Variants in VPS13B observed in about 807,000 individuals in gnomAD.
VPS13B encodes vacuolar protein sorting 13 homolog B.
VPS13B carries 285 observed loss-of-function variants against 426.4 expected under a neutral mutation model. The observed-to-expected ratio is 0.67, with a 90% confidence interval of 0.61 to 0.74. The LOEUF is 0.74. VPS13B is among the 30% of genes least tolerant of loss of function. The pLI is 0.00. For synonymous variants in VPS13B, 1,676 were observed against 1,676.4 expected (o/e 1.00, Z 0.01); for missense variants, 4,537 against 4,782.6 (o/e 0.95, Z 1.51).
At chr8:99,501,971 G>GTCTT (rs1442835084) in intron 26 of VPS13B, 113 bp downstream of exon 26, 12 of 1,194,212 alleles carry the variant, frequency 1.0e-5, no homozygotes, top group Admixed American at 2.3e-5. Flanking sequence ...CTGTCTGTCT[G>GTCTT]TCTTTCCGTC....
intron 19 of VPS13B, among the ~76,000 whole-genome samples, chr8:99,368,536 C>A (rs1332721451): frequency 6.6e-6 from 1 of 152,136 alleles, no homozygotes; most frequent in Non-Finnish European, 1.5e-5. Context: ...TATCTTAAAT[C>A]TATTTAGTTA....
At chr8:99,865,198 C>G (rs1331841300) in intron 58 of VPS13B, among the ~76,000 whole-genome samples, 1 of 152,150 alleles carries the variant, frequency 6.6e-6, no homozygotes, top group African/African-American at 2.4e-5. Context: ...TCAGCCTTGC[C>G]CACATTTACC....
At chr8:99,866,679 C>G (rs187082154) in intron 58 of VPS13B, among the ~76,000 whole-genome samples, 100 of 152,390 alleles carry the variant, frequency 6.6e-4, no homozygotes, top group African/African-American at 2.3e-3. Flanking sequence ...GTGCGGGTGA[C>G]CGCAGCTGGC....
rs1325055922 is a variant in VPS13B at position 99,116,749 on chromosome 8, A to G, written c.937+875A>G. 2.6e-5 allele frequency among the ~76,000 whole-genome samples: 4 copies of G among 152,314 alleles called. No individual in the cohort carries two copies. The East Asian group carries it at 7.7e-4, about 29-fold the overall frequency. ...ATGCCTGACCCAGGATATACATTTG[A>G]TAAAAGTTGAAGTAGTATACCTCAA... On this transcript the variant is annotated intron_variant, in intron 7 of 61. Transcript: ENST00000357162.
At chr8:99,559,475 C>A (rs954077995) in intron 31 of VPS13B, among the ~76,000 whole-genome samples, 9 of 152,128 alleles carry the variant, frequency 5.9e-5, no homozygotes, top group Non-Finnish European at 1.2e-4. Flanking sequence ...TCATGAAGTC[C>A]TTGCCCATGC....
chr8:99,663,585 A>G (rs1202536531), intron 35 of VPS13B, among the ~76,000 whole-genome samples: 2 of 152,166 alleles, frequency 1.3e-5, no homozygotes, highest in Non-Finnish European at 2.9e-5. Flanking sequence ...AAAAAAACAT[A>G]TGCTCTTTAC....
At chr8:99,481,001 A>C (rs1173231536) in intron 24 of VPS13B, among the ~76,000 whole-genome samples, 1 of 152,192 alleles carries the variant, frequency 6.6e-6, no homozygotes, top group Non-Finnish European at 1.5e-5. Context: ...ACTCAGTCAA[A>C]CAATGTGCAA....
In VPS13B at chr8:99,237,930, G is replaced by C. The variant is rs191264477; in HGVS notation, c.2516-36268G>C. Among the ~76,000 whole-genome samples the C allele has an allele frequency of 3.0e-3, 437 of 147,640 alleles. 4 individuals are homozygous for C. The highest frequency in any genetic ancestry group is 0.01 in the African/African-American group (411 of 39,982). ...CCTTCTGAAACTCTTAATGGCCTTC[G>C]TTTCTCCAATTTCAGGTCTTGCTGC... On this transcript the variant is annotated intron_variant, in intron 17 of 61. Transcript: ENST00000357162.
intron 30 of VPS13B, among the ~76,000 whole-genome samples, chr8:99,529,378 C>T (rs1308517470): frequency 2.0e-5 from 3 of 152,104 alleles, no homozygotes; most frequent in African/African-American, 4.8e-5. Flanking sequence ...CATATTTAGA[C>T]TTGCCATCAT....
intron 22 of VPS13B, among the ~76,000 whole-genome samples, chr8:99,435,129 C>T (rs1817304821): frequency 6.6e-6 from 1 of 152,098 alleles, no homozygotes; most frequent in Admixed American, 6.6e-5. Context: ...AGGGCATGTA[C>T]TTCCTGGTTT....
At chr8:99,089,850 C>A (rs1443324068) in intron 3 of VPS13B, among the ~76,000 whole-genome samples, 3 of 152,082 alleles carry the variant, frequency 2.0e-5, no homozygotes, top group African/African-American at 7.2e-5. Flanking sequence ...CTTTATAGGG[C>A]CATTTCAAAA....
chr8:99,081,429 A>C (rs1466204305), intron 3 of VPS13B, among the ~76,000 whole-genome samples: 1 of 152,102 alleles, frequency 6.6e-6, no homozygotes, highest in Non-Finnish European at 1.5e-5. Flanking sequence ...TTCAAAGATT[A>C]CTTTTTTTAT....
intron 17 of VPS13B, among the ~76,000 whole-genome samples, chr8:99,232,198 G>T (rs1462384209): frequency 6.6e-6 from 1 of 152,020 alleles, no homozygotes; most frequent in Non-Finnish European, 1.5e-5. Context: ...GTAGGGGAGG[G>T]GAGGGAGGTG....
At chr8:99,811,299 C>A (rs117009523) in intron 44 of VPS13B, among the ~76,000 whole-genome samples, 2,558 of 152,256 alleles carry the variant, frequency 0.017, 36 homozygotes, top group South Asian at 0.057. Flanking sequence ...ATACAACAAG[C>A]GCAAAACTTG....
At chr8:99,193,571 G>T (rs908170217) in intron 17 of VPS13B, among the ~76,000 whole-genome samples, 2 of 151,916 alleles carry the variant, frequency 1.3e-5, no homozygotes, top group African/African-American at 2.4e-5. Context: ...CACTCAGTTT[G>T]CATGTAAACA....
At chr8:99,770,202 A>G (rs1194843000) in intron 40 of VPS13B, among the ~76,000 whole-genome samples, 1 of 152,112 alleles carries the variant, frequency 6.6e-6, no homozygotes, top group East Asian at 1.9e-4. Context: ...TATATCTTTA[A>G]CTAATGGTTT....
At chr8:99,312,518 G>A (rs1821046461) in intron 19 of VPS13B, among the ~76,000 whole-genome samples, 2 of 152,216 alleles carry the variant, frequency 1.3e-5, no homozygotes, top group Admixed American at 6.5e-5. Flanking sequence ...CTGGCTTGTA[G>A]AATTTCTGCC....
intron 57 of VPS13B, among the ~76,000 whole-genome samples, chr8:99,861,494 G>A (rs1359685771): frequency 6.6e-6 from 1 of 152,196 alleles, no homozygotes; most frequent in Non-Finnish European, 1.5e-5. Context: ...TAGAGACAGG[G>A]TTTTGCCATG....
intron 31 of VPS13B, among the ~76,000 whole-genome samples, chr8:99,572,737 A>T (rs1401026031): frequency 1.3e-5 from 2 of 152,098 alleles, no homozygotes; most frequent in East Asian, 1.9e-4. Flanking sequence ...AGTCTTTGCT[A>T]TTGTGAATAG....
Sources: allele counts gnomAD v4.1 joint callset (sites outside exome capture counted in the v4.1 genomes callset), GRCh38; gene constraint gnomAD v4.1.1; transcripts MANE v1.5; gene names NCBI Gene and HGNC (gene_info 2026-07-23, HGNC 2026-07-21).